MCPH1: variants seen among roughly 807,000 people sequenced by gnomAD.
MCPH1 encodes the protein microcephalin 1.
A neutral mutation model predicts 84.5 loss-of-function variants in MCPH1; 104 were observed. The observed-to-expected ratio is 1.23, with a 90% CI of 1.05 to 1.45. The LOEUF (loss-of-function observed/expected upper bound fraction) is 1.45, where lower values mean the gene tolerates loss of function less well. MCPH1 is among the 40% of genes most tolerant of loss of function. The probability of loss-of-function intolerance (pLI) is 0.00; values close to 1 mark genes in which losing one functional copy is unlikely to be tolerated. For synonymous variants in MCPH1, 514 were observed against 366.8 expected, an observed-to-expected ratio of 1.40 and a Z score of -4.58; for missense variants, 1,498 against 1,005.7, an observed-to-expected ratio of 1.49 and a Z score of -6.62.
intron 8 of MCPH1, chr8:6,446,082 A>G (rs1176614004): frequency 2.0e-6 from 2 of 979,498 alleles, no homozygotes; most frequent in Non-Finnish European, 2.4e-6. Context: ...AGAAACATTT[A>G]AACATTTTTG....
intron 8 of MCPH1, chr8:6,447,304 G>A: frequency 1.0e-6 from 1 of 985,304 alleles, no homozygotes; most frequent in Non-Finnish European, 1.2e-6. Flanking sequence ...TGTCAGGGAT[G>A]CACACTCTAT....
chr8:6,479,067 C>G (rs1366153912), intron 10 of MCPH1, among the ~76,000 whole-genome samples: 2 of 152,172 alleles, frequency 1.3e-5, no homozygotes, highest in Non-Finnish European at 2.9e-5. Context: ...GAGTTCAAGA[C>G]CAGCCTGGGC....
chr8:6,505,411 CTT>C (rs1429232737), intron 12 of MCPH1, among the ~76,000 whole-genome samples: 4 of 59,932 alleles, frequency 6.7e-5, no homozygotes, highest in African/African-American at 2.2e-4. Flanking sequence ...TATATATATT[CTT>C]TATATACATA....
intron 12 of MCPH1, among the ~76,000 whole-genome samples, chr8:6,550,769 C>T (rs1468929885): frequency 6.6e-6 from 1 of 152,156 alleles, no homozygotes; most frequent in Non-Finnish European, 1.5e-5. Flanking sequence ...CCTCTCAGAG[C>T]TGGAGTTTCT....
intron 8 of MCPH1, among the ~76,000 whole-genome samples, chr8:6,449,077 A>G (rs75792144): frequency 6.6e-6 from 1 of 152,342 alleles, no homozygotes; most frequent in East Asian, 1.9e-4. Context: ...ATGTTTATTA[A>G]GGCTGATTTG....
intron 12 of MCPH1, among the ~76,000 whole-genome samples, chr8:6,602,546 G>A (rs1829455345): frequency 6.6e-6 from 1 of 152,058 alleles, no homozygotes; most frequent in African/African-American, 2.4e-5. Context: ...GCTGGGCTGT[G>A]CTCTCCCACT....
intron 12 of MCPH1, among the ~76,000 whole-genome samples, chr8:6,567,303 C>CAAT: frequency 2.4e-5 from 1 of 41,190 alleles, no homozygotes; most frequent in East Asian, 1.1e-3. Flanking sequence ...GTACACGGTG[C>CAAT]GATGACCATG....
chr8:6,604,867 T>G (rs1829637894), intron 12 of MCPH1, among the ~76,000 whole-genome samples: 1 of 152,200 alleles, frequency 6.6e-6, no homozygotes. Flanking sequence ...CAATAGAAGC[T>G]TTTGAAATTA....
rs1563305296 is a variant in MCPH1 at position 6,505,263 on chromosome 8, T to C, written c.2214+5334T>C. On this transcript the variant is annotated intron_variant, in intron 12 of 13. Transcript: ENST00000344683. Reference sequence around the variant, plus strand: ...GAATATATATTCTTTATATATGTTTTATATATATGTATACATATATATGTT... The same window carrying C: ...GAATATATATTCTTTATATATGTTTCATATATATGTATACATATATATGTT... Among the ~76,000 whole-genome samples the C allele has an allele frequency of 1.7e-3, 129 of 77,966 alleles. 16 individuals carry two copies. Among genetic ancestry groups the C allele is most frequent in the African/African-American group, 5.5e-3 (120 of 21,650 alleles). The allele number at this position is 77,966 out of a possible 152,430, so 51.1% of individuals were successfully genotyped here.
At chr8:6,634,162 C>T (rs1037807642) in intron 13 of MCPH1, among the ~76,000 whole-genome samples, 3 of 152,182 alleles carry the variant, frequency 2.0e-5, no homozygotes, top group Non-Finnish European at 4.4e-5. Context: ...ACACTGAACC[C>T]GTGCCACTCA....
intron 11 of MCPH1, among the ~76,000 whole-genome samples, chr8:6,488,312 G>A (rs1810173655): frequency 6.6e-6 from 1 of 152,236 alleles, no homozygotes; most frequent in African/African-American, 2.4e-5. Flanking sequence ...ATTGAGGACA[G>A]ATACCAAAAA....
At chr8:6,453,729 C>T (rs368674097) in intron 8 of MCPH1, among the ~76,000 whole-genome samples, 1 of 152,050 alleles carries the variant, frequency 6.6e-6, no homozygotes, top group African/African-American at 2.4e-5. Flanking sequence ...ATCTTAAAGA[C>T]GATAGGAGAT....
intron 3 of MCPH1, among the ~76,000 whole-genome samples, chr8:6,417,417 C>T (rs1020419416): frequency 8.5e-5 from 13 of 152,118 alleles, no homozygotes; most frequent in African/African-American, 3.1e-4. Flanking sequence ...ACTTATAAGT[C>T]TGGCAGGAAG....
chr8:6,414,569 T>C (rs1798991864), intron 2 of MCPH1, among the ~76,000 whole-genome samples, 196 bp from the exon 3 acceptor site: 1 of 152,106 alleles, frequency 6.6e-6, no homozygotes, highest in South Asian at 2.1e-4. Context: ...TTAGAGGGAG[T>C]AGATGTGAAC....
At chr8:6,628,900 GGAGA>G (rs896348616) in intron 13 of MCPH1, among the ~76,000 whole-genome samples, 1 of 152,200 alleles carries the variant, frequency 6.6e-6, no homozygotes, top group African/African-American at 2.4e-5. Context: ...TATGACTGTA[GGAGA>G]GATTTTCCTG....
At chr8:6,594,871 C>G (rs1161937411) in intron 12 of MCPH1, among the ~76,000 whole-genome samples, 1 of 152,170 alleles carries the variant, frequency 6.6e-6, no homozygotes, top group East Asian at 1.9e-4. Context: ...TGGGGAGGAC[C>G]TAGTTTAAAG....
chr8:6,488,744 G>C (rs931745523), intron 11 of MCPH1, among the ~76,000 whole-genome samples: 1 of 152,108 alleles, frequency 6.6e-6, no homozygotes, highest in Non-Finnish European at 1.5e-5. Flanking sequence ...AGAAGCCATC[G>C]GACTATTTTA....
At chr8:6,626,648 T>TC (rs1316572431) in intron 13 of MCPH1, 2 of 984,808 alleles carry the variant, frequency 2.0e-6, no homozygotes, top group Non-Finnish European at 2.4e-6. Flanking sequence ...GGTTGCATTT[T>TC]CCCCCCAACA....
At chr8:6,552,455 C>A (rs1008773275) in intron 12 of MCPH1, among the ~76,000 whole-genome samples, 1 of 152,106 alleles carries the variant, frequency 6.6e-6, no homozygotes, top group Non-Finnish European at 1.5e-5. Flanking sequence ...CATTATCTTT[C>A]GAGTAAACAT....
Sources: allele counts gnomAD v4.1 joint callset (sites outside exome capture counted in the v4.1 genomes callset), GRCh38; gene constraint gnomAD v4.1.1; transcripts MANE v1.5; gene names NCBI Gene and HGNC (gene_info 2026-07-23, HGNC 2026-07-21).